The following DDR2 variants were observed in gnomAD, a reference collection of about 807,000 sequenced individuals.
DDR2 encodes the protein discoidin domain-containing receptor 2.
A neutral mutation model predicts 94.9 loss-of-function variants in DDR2; 27 were observed. That is an observed-to-expected ratio of 0.28 (90% CI 0.21 to 0.39). The LOEUF is 0.39. DDR2 is among the 10% of genes least tolerant of loss of function. DDR2 has a pLI of 1.00. For missense variants in DDR2, 783 were observed against 1,076.0 expected (o/e 0.73, Z 3.81); for synonymous variants, 382 against 377.2 (o/e 1.01, Z -0.15).
At position 162,775,657 on chromosome 1, in the gene DDR2, A is replaced by G; in HGVS notation, c.1862A>G (p.Asp621Gly). The part of the protein sequence containing the change: ...RADANKNARN[D>G]FLKEIKIMSR... ...TATGTCTGTATCCTCCCAAGGAATG[A>G]TTTTCTTAAGGAGATAAAGATCATG... Residue 621 changes from aspartate to glycine, a missense_variant, in exon 15 of 18, where the codon GAT becomes GGT. Transcript: ENST00000367921. The G allele has an allele frequency of 6.2e-7, 1 of 1,613,972 alleles. No homozygotes were observed. Among genetic ancestry groups the G allele is most frequent in the Non-Finnish European group, 8.5e-7 (1 of 1,179,944 alleles).
intron 2 of DDR2, among the ~76,000 whole-genome samples, chr1:162,685,739 C>A (rs56115388): frequency 0.048 from 7,246 of 152,168 alleles, 215 homozygotes; most frequent in South Asian, 0.084. Context: ...AGTAGTTTTT[C>A]TGTAGCAGCC....
chr1:162,642,058 C>T (rs950275129), intron 1 of DDR2, among the ~76,000 whole-genome samples: 2 of 152,076 alleles, frequency 1.3e-5, no homozygotes, highest in Admixed American at 1.3e-4. Context: ...TCAAGCCATT[C>T]TCCATCCTCC....
In DDR2 at chr1:162,755,769, G is replaced by C; in HGVS notation, c.671G>C (p.Ser224Thr). 6.2e-7 allele frequency: 1 copy of C among 1,613,250 alleles called. No individual in the cohort carries two copies. ...GTCTATGATGGAGCTGTTGGATACA[G>C]GTAAATCCTGGGAAACTTTATTAGA... ...DSVYDGAVGY[S>T]MTEGLGQLTD... Residue 224 changes from serine (S) to threonine (T), a missense_variant and splice_region_variant, in exon 7 of 18, where the codon AGC (serine) becomes ACC (threonine). Coordinates refer to ENST00000367921, the MANE Select transcript of DDR2 (RefSeq NM_006182.4).
intron 3 of DDR2, among the ~76,000 whole-genome samples, chr1:162,751,981 C>T (rs1663231001): frequency 6.6e-6 from 1 of 152,096 alleles, no homozygotes; most frequent in African/African-American, 2.4e-5. Context: ...GAACATCACA[C>T]ACTGGGGCCT....
At chr1:162,758,113 G>A (rs1032872543) in intron 7 of DDR2, among the ~76,000 whole-genome samples, 11 of 151,812 alleles carry the variant, frequency 7.2e-5, no homozygotes, top group African/African-American at 2.7e-4. Context: ...AGACTGAGAA[G>A]ACATTCAGTA....
intron 2 of DDR2, among the ~76,000 whole-genome samples, chr1:162,692,416 T>G (rs376605156): frequency 3.3e-5 from 5 of 152,200 alleles, no homozygotes; most frequent in East Asian, 3.9e-4. Context: ...GGAACACTTA[T>G]GACCAATCGA....
chr1:162,665,176 A>C (rs1047921683), intron 2 of DDR2, among the ~76,000 whole-genome samples: 6 of 151,860 alleles, frequency 4.0e-5, no homozygotes, highest in Non-Finnish European at 8.8e-5. Flanking sequence ...CCTTTCTGAA[A>C]CTCTACTTGT....
intron 2 of DDR2, among the ~76,000 whole-genome samples, chr1:162,665,150 C>G (rs1383330341): frequency 2.0e-5 from 3 of 152,170 alleles, no homozygotes; most frequent in Non-Finnish European, 4.4e-5. Context: ...ATTTCTTGTA[C>G]ATGTCCATAA....
intron 9 of DDR2, among the ~76,000 whole-genome samples, chr1:162,764,487 T>G (rs1663902051): frequency 6.6e-6 from 1 of 150,518 alleles, no homozygotes; most frequent in South Asian, 2.1e-4. Flanking sequence ...ATAGACAGCA[T>G]CAAAGGAATG....
intron 2 of DDR2, among the ~76,000 whole-genome samples, chr1:162,667,793 G>T (rs973660658): frequency 2.6e-5 from 4 of 152,150 alleles, no homozygotes; most frequent in African/African-American, 9.7e-5. Context: ...CTCCCTCAAG[G>T]GAAGTGTCTA....
intron 2 of DDR2, among the ~76,000 whole-genome samples, chr1:162,693,839 G>A (rs939708233): frequency 1.3e-5 from 2 of 152,072 alleles, no homozygotes; most frequent in Non-Finnish European, 2.9e-5. Flanking sequence ...TGGGATCCTT[G>A]GCCTCCGAAG....
chr1:162,684,546 G>A (rs1659573659), intron 2 of DDR2, among the ~76,000 whole-genome samples: 1 of 152,042 alleles, frequency 6.6e-6, no homozygotes, highest in Admixed American at 6.6e-5. Context: ...ACTGTTTTTA[G>A]AGTTTGCTAC....
At chr1:162,658,769 G>A (rs535934848) in intron 2 of DDR2, among the ~76,000 whole-genome samples, 1 of 150,520 alleles carries the variant, frequency 6.6e-6, no homozygotes, top group African/African-American at 2.4e-5. Flanking sequence ...TTGAGGCATG[G>A]TAAGCCCTGT....
rs1234282440 is a variant in DDR2, at chr1:162,785,632, G to T, written c.*5386G>T. 6.6e-6 allele frequency: 1 copy of T among 152,154 alleles called. No homozygotes were observed. Among genetic ancestry groups the T allele is most frequent in the African/African-American group, 2.4e-5 (1 of 41,440 alleles). 9.4% of individuals were successfully genotyped at this position (152,154 alleles called of 1,614,324 possible). A position where few individuals can be genotyped will look rare whatever the true frequency, so the allele number is the denominator to read the frequency against. ...CATTGTGAGCACTTGATAAATATTT[G>T]CTGAATGTTGTTTTTTTGAATGAAC... is the stretch of plus-strand genomic sequence containing the variant. On this transcript the variant is annotated 3_prime_UTR_variant, in exon 18 of 18. Coordinates refer to ENST00000367921, the MANE Select transcript of DDR2 (RefSeq NM_006182.4).
At chr1:162,645,264 A>G (rs562166432) in intron 1 of DDR2, among the ~76,000 whole-genome samples, 48 of 152,338 alleles carry the variant, frequency 3.2e-4, no homozygotes, top group Non-Finnish European at 3.7e-4. Context: ...TGAATAATAC[A>G]TGGACATGTT....
intron 5 of DDR2, 128 bp from the exon 6 acceptor site, chr1:162,755,028 G>A: frequency 6.8e-7 from 1 of 1,471,846 alleles, no homozygotes; most frequent in Non-Finnish European, 9.4e-7. Flanking sequence ...AAGGCTGTGG[G>A]GAAAGCAGAG....
At position 162,767,219 on chromosome 1, in the gene DDR2, C is replaced by G; in HGVS notation, c.1163-10C>G. ...TGATTGTATTCTCTGCCTTCTCTCC[C>G]TGGTCACAGATCCAATGCTTAAAGT... On this transcript the variant is annotated splice_polypyrimidine_tract_variant and intron_variant, in intron 10 of 17. Transcript: ENST00000367921. 6.2e-7 allele frequency: 1 copy of G among 1,614,032 alleles called. No individual in the cohort carries two copies.
At chr1:162,719,912 G>A (rs60130511) in intron 3 of DDR2, among the ~76,000 whole-genome samples, 20,672 of 151,926 alleles carry the variant, frequency 0.14, 1,570 homozygotes, top group African/African-American at 0.2. Context: ...GGGCAACTTT[G>A]CTGTGTTCTG....
intron 2 of DDR2, among the ~76,000 whole-genome samples, chr1:162,659,996 G>A (rs1054928658): frequency 2.1e-5 from 1 of 48,256 alleles, no homozygotes; most frequent in Non-Finnish European, 6.6e-5. Context: ...ATTGTGGGCT[G>A]CAGGAACAAC....
Sources: allele counts gnomAD v4.1 joint callset (sites outside exome capture counted in the v4.1 genomes callset), GRCh38; gene constraint gnomAD v4.1.1; transcripts MANE v1.5; gene names NCBI Gene and HGNC (gene_info 2026-07-23, HGNC 2026-07-21).